Variants in TENM1 observed in about 807,000 individuals in gnomAD.
TENM1 encodes teneurin-1.
In TENM1, 35 loss-of-function variants were observed where a neutral mutation model predicts 174.8. The ratio of observed to expected loss-of-function variants is 0.20; its 90% CI spans 0.15 to 0.27. The LOEUF (loss-of-function observed/expected upper bound fraction) is 0.27, where lower values mean the gene tolerates loss of function less well. TENM1 is among the 10% of genes least tolerant of loss of function. The pLI, the probability that TENM1 is intolerant of heterozygous loss-of-function variation, is 1.00. For missense variants in TENM1, 1,633 were observed against 2,130.1 expected, an observed-to-expected ratio of 0.77 and a Z score of 4.59; for synonymous variants, 781 against 798.7, an observed-to-expected ratio of 0.98 and a Z score of 0.37.
At chrX:124,412,229 C>A (rs1569529939) in intron 25 of TENM1, 2 of 113,130 alleles carry the variant, frequency 1.8e-5, no homozygotes, top group East Asian at 5.5e-4. Flanking sequence ...AGGCTGTGTG[C>A]ATGTGCACTT....
the TENM1 span, among the ~76,000 whole-genome samples, chrX:125,166,903 T>C: frequency 2.7e-5 from 3 of 111,716 alleles, no homozygotes; most frequent in Non-Finnish European, 5.7e-5. Context: ...CTTTTCAGGA[T>C]TTATTGCCTG....
intron 22 of TENM1, among the ~76,000 whole-genome samples, chrX:124,472,346 A>AAAAAAAAAAAAC (rs2061343882): frequency 9.7e-6 from 1 of 102,745 alleles, no homozygotes; most frequent in African/African-American, 3.5e-5. Flanking sequence ...AAAAAAAAAA[A>AAAAAAAAAAAAC]AAAAAAAAAA....
chrX:125,188,576 A>G, the TENM1 span, among the ~76,000 whole-genome samples: 3 of 111,699 alleles, frequency 2.7e-5, no homozygotes, highest in Admixed American at 9.5e-5. Flanking sequence ...ACAATTTAAA[A>G]TTTTTACCAG....
chrX:124,963,688 A>G (rs1335184889), exon 1 of TENM1: 13 of 1,210,024 alleles, frequency 1.1e-5, no homozygotes, highest in Non-Finnish European at 1.5e-5. Context: ...AACTGGTGTA[A>G]GCTAGATCCA....
In TENM1 at chrX:124,481,922, C is replaced by A. The variant is rs752526008; in HGVS notation, c.3759G>T (p.Val1253=). 10 of 1,201,286 alleles carry A rather than the reference C, an allele frequency of 8.3e-6. No individual in the cohort carries two copies. The East Asian group carries it at 3.0e-4, about 36-fold the overall frequency. Residue 1253 remains valine, a synonymous_variant, in exon 22 of 32, where the codon GTG becomes GTT. Coordinates refer to ENST00000422452, the Ensembl canonical transcript of TENM1. ...TGTCTGATAGATAGAGTGATTCAGACACAGGGTCCATAGCCAGATAGTATT... is the reference window on the plus strand; with the variant it reads ...TGTCTGATAGATAGAGTGATTCAGAAACAGGGTCCATAGCCAGATAGTATT...
At chrX:124,621,330 G>A (rs1355505987) in intron 11 of TENM1, among the ~76,000 whole-genome samples, 3 of 110,763 alleles carry the variant, frequency 2.7e-5, no homozygotes, top group African/African-American at 6.6e-5. Context: ...AAAATTAGCC[G>A]GGCATGGTGG....
the TENM1 span, among the ~76,000 whole-genome samples, chrX:125,025,381 T>G: frequency 8.9e-5 from 10 of 111,881 alleles, no homozygotes; most frequent in Admixed American, 7.7e-4. Flanking sequence ...TAACTCATTC[T>G]TCTACTCTAA....
At chrX:124,904,400 C>T (rs1260579882) in intron 1 of TENM1, among the ~76,000 whole-genome samples, 1 of 111,853 alleles carries the variant, frequency 8.9e-6, no homozygotes, top group Non-Finnish European at 1.9e-5. Context: ...TGACCCTAAA[C>T]ACCAAAGTTT....
chrX:124,742,834 G>A (rs920904941), intron 3 of TENM1, among the ~76,000 whole-genome samples: 1 of 110,637 alleles, frequency 9.0e-6, no homozygotes, highest in Non-Finnish European at 1.9e-5. Flanking sequence ...GAACATCAGG[G>A]CACCAAGAGT....
chrX:124,983,033 CAT>C, the TENM1 span, among the ~76,000 whole-genome samples: 1 of 112,051 alleles, frequency 8.9e-6, no homozygotes, highest in Admixed American at 9.5e-5. Flanking sequence ...AACAAAAACA[CAT>C]GTTGTATGTC....
At chrX:124,604,702 C>A (rs1392087611) in intron 11 of TENM1, among the ~76,000 whole-genome samples, 1 of 110,736 alleles carries the variant, frequency 9.0e-6, no homozygotes, top group Non-Finnish European at 1.9e-5. Context: ...TATAGTGTAA[C>A]TATTTGAAAA....
chrX:124,666,398 C>G (rs895890097), intron 6 of TENM1, among the ~76,000 whole-genome samples: 1 of 111,678 alleles, frequency 9.0e-6, no homozygotes, highest in Non-Finnish European at 1.9e-5. Context: ...AGCCTTAATG[C>G]TCCTGGAAAA....
chrX:125,046,172 G>A, the TENM1 span, among the ~76,000 whole-genome samples: 2 of 111,789 alleles, frequency 1.8e-5, no homozygotes, highest in African/African-American at 3.2e-5. Flanking sequence ...GAAGGATGAA[G>A]GGACTACATA....
the TENM1 span, among the ~76,000 whole-genome samples, chrX:125,121,490 ATT>A: frequency 1.8e-5 from 2 of 111,995 alleles, no homozygotes; most frequent in Non-Finnish European, 3.8e-5. Flanking sequence ...TAATTGTGGA[ATT>A]TGTCCCATTT....
chrX:124,578,102 ATT>A (rs374529540), intron 11 of TENM1, among the ~76,000 whole-genome samples: 5 of 107,501 alleles, frequency 4.7e-5, no homozygotes, highest in Non-Finnish European at 9.6e-5. Flanking sequence ...ATTAAAAAAA[ATT>A]TTCTGTAGAG....
the TENM1 span, among the ~76,000 whole-genome samples, chrX:125,192,019 G>T: frequency 9.0e-6 from 1 of 110,666 alleles, no homozygotes; most frequent in Non-Finnish European, 1.9e-5. Flanking sequence ...ACAGCAAGAA[G>T]GCAGCATCTT....
chrX:125,154,413 A>G, the TENM1 span, among the ~76,000 whole-genome samples: 1 of 112,211 alleles, frequency 8.9e-6, no homozygotes, highest in Non-Finnish European at 1.9e-5. Flanking sequence ...GTTGGAAGTT[A>G]CAGCAAGAGT....
At chrX:124,452,352 A>G (rs1482241303) in intron 23 of TENM1, among the ~76,000 whole-genome samples, 1 of 112,324 alleles carries the variant, frequency 8.9e-6, no homozygotes, top group African/African-American at 3.2e-5. Flanking sequence ...AATGGCGATC[A>G]TTACAAAGTC....
At chrX:124,942,587 G>T (rs533501089) in intron 1 of TENM1, among the ~76,000 whole-genome samples, 1 of 111,735 alleles carries the variant, frequency 8.9e-6, no homozygotes, top group South Asian at 3.7e-4. Flanking sequence ...TCATAGCATT[G>T]GGCAGAGAGG....
Sources: gnomAD v4.1 joint callset for allele counts (sites outside exome capture counted in the v4.1 genomes callset) on GRCh38, gnomAD v4.1.1 for gene constraint, MANE v1.5 for transcripts, NCBI Gene and HGNC (gene_info 2026-07-23, HGNC 2026-07-21) for gene names.